Variants in SULF2 observed in about 807,000 individuals in gnomAD.
SULF2 encodes sulfatase 2.
Under a neutral mutation model 107.7 loss-of-function variants are expected in SULF2, and 52 were observed. That is an observed-to-expected ratio of 0.48 (90% CI 0.39 to 0.61). The LOEUF is 0.61. Ranked by LOEUF, SULF2 falls within the 20% of genes least tolerant of loss-of-function variation. SULF2 has a pLI of 0.00. For synonymous variants in SULF2, 460 were observed against 464.3 expected, an observed-to-expected ratio of 0.99 and a Z score of 0.12; for missense variants, 993 against 1,177.3, an observed-to-expected ratio of 0.84 and a Z score of 2.29.
At chr20:47,699,940 G>A (rs1451528018) in intron 4 of SULF2, among the ~76,000 whole-genome samples, 1 of 152,160 alleles carries the variant, frequency 6.6e-6, no homozygotes, top group Admixed American at 6.5e-5. Flanking sequence ...TTCAGTGACT[G>A]CCTGTTCTCT....
intron 2 of SULF2, among the ~76,000 whole-genome samples, chr20:47,752,810 G>A (rs897291212): frequency 6.6e-6 from 1 of 151,824 alleles, no homozygotes; most frequent in African/African-American, 2.4e-5. Context: ...CTTTTGAAAT[G>A]CAAACATCAG....
intron 3 of SULF2, among the ~76,000 whole-genome samples, chr20:47,712,138 T>C (rs1257866755): frequency 1.3e-5 from 2 of 152,230 alleles, no homozygotes; most frequent in Non-Finnish European, 2.9e-5. Flanking sequence ...CACAGCCAAC[T>C]TCCAACTGGA....
intron 4 of SULF2, among the ~76,000 whole-genome samples, chr20:47,693,396 T>C (rs1284295970): frequency 6.6e-6 from 1 of 152,168 alleles, no homozygotes; most frequent in African/African-American, 2.4e-5. Context: ...TTGCTCTTCA[T>C]AACAGACTCA....
chr20:47,666,636 C>T lies in SULF2; in HGVS notation c.1577-148G>A, dbSNP rs865943831. The T allele has an allele frequency of 4.5e-6, 3 of 661,242 alleles. No homozygotes were observed. Among genetic ancestry groups the T allele is most frequent in the Middle Eastern group, 4.2e-4 (1 of 2,362 alleles). The allele number at this position is 661,242 out of a possible 1,614,324, so 41.0% of individuals were successfully genotyped here. On this transcript the variant is annotated intron_variant, in intron 11 of 20. Coordinates refer to ENST00000688720, the MANE Select transcript of SULF2 (RefSeq NM_001387048.1). The surrounding 1 kb of genome is among the most constrained non-coding windows in gnomAD (Gnocchi z 5.4). ...GACTCGAGGGGTCGTGGAATCTACC[C>T]GCCTGCTCGCAGATCCTGGACCGCA...
At chr20:47,751,727 T>A (rs777004007) in intron 2 of SULF2, among the ~76,000 whole-genome samples, 5 of 152,182 alleles carry the variant, frequency 3.3e-5, no homozygotes, top group Non-Finnish European at 5.9e-5. Context: ...CCTTTTTGAT[T>A]CCTCAATCCT....
chr20:47,763,992 C>G (rs1008249382), intron 1 of SULF2, among the ~76,000 whole-genome samples: 7 of 152,230 alleles, frequency 4.6e-5, no homozygotes, highest in Non-Finnish European at 1.0e-4. Context: ...GCCTTCCCCT[C>G]TCTCCCTTGC....
Position 47,678,529 on chromosome 20 carries a change from A to ACCATGCTTCTCTCCCACG in SULF2, c.1193+146_1193+147insCGTGGGAGAGAAGCATGG. 1.3e-6 allele frequency: 1 copy of ACCATGCTTCTCTCCCACG among 748,544 alleles called. No homozygotes were observed. The highest frequency in any genetic ancestry group is 2.1e-6 in the Non-Finnish European group (1 of 487,322). The allele number at this position is 748,544 out of a possible 1,614,324, so 46.4% of individuals were successfully genotyped here. A position where few individuals can be genotyped will look rare whatever the true frequency, so the allele number is the denominator to read the frequency against. ...AGAGGGGACCATGCTTCTCTCCCAC[A>ACCATGCTTCTCTCCCACG]GCAGGTAAGTGGTTGGCATGGCGGG... On this transcript the variant is annotated intron_variant, in intron 8 of 20. Transcript: ENST00000688720. This position sits in a 1 kb window ranked among gnomAD's most constrained non-coding sequence, Gnocchi z 4.5.
chr20:47,665,527 G>A (rs1285863956), intron 13 of SULF2, among the ~76,000 whole-genome samples: 2 of 152,218 alleles, frequency 1.3e-5, no homozygotes, highest in African/African-American at 2.4e-5. Flanking sequence ...TCATTTTTCC[G>A]GCCTGGCCTG....
chr20:47,664,137 G>A lies in SULF2; in HGVS notation c.2050C>T (p.Pro684Ser), dbSNP rs1431573822. The A allele has an allele frequency of 6.2e-7, 1 of 1,613,636 alleles. No individual in the cohort carries two copies. Among genetic ancestry groups the A allele is most frequent in the East Asian group, 2.2e-5 (1 of 44,892 alleles). ...RLKHRGSSLH[P>S]FRKGLQEKDK... is the part of the protein sequence containing the mutation. Reference sequence around the variant, plus strand: ...ACCTCAAGCTGCTCTTACCTGAAAGGATGCAGACTGGAGCCTCTGTGCTTG... The same window carrying A: ...ACCTCAAGCTGCTCTTACCTGAAAGAATGCAGACTGGAGCCTCTGTGCTTG... Residue 684 changes from proline (P) to serine (S), a missense_variant, in exon 15 of 21, where the codon CCT becomes TCT. By Grantham distance (74) the Pro-to-Ser change is moderately conservative (BLOSUM62 -1). Around this residue, in one of 3 missense-constraint regions of SULF2, gnomAD observed 497 missense variants for 544.1 expected, o/e 0.91. Coordinates refer to ENST00000688720, the MANE Select transcript of SULF2 (RefSeq NM_001387048.1).
intron 2 of SULF2, among the ~76,000 whole-genome samples, chr20:47,741,150 C>G (rs6094800): frequency 0.27 from 40,860 of 152,050 alleles, 8,117 homozygotes; most frequent in African/African-American, 0.56. Context: ...AGAGTCTCCT[C>G]TCCTGACACT....
intron 3 of SULF2, among the ~76,000 whole-genome samples, chr20:47,719,296 T>C (rs573923021): frequency 1.3e-5 from 2 of 152,364 alleles, no homozygotes; most frequent in African/African-American, 4.8e-5. Context: ...GCTTCCTTTG[T>C]AATTCTCTGT....
intron 4 of SULF2, among the ~76,000 whole-genome samples, chr20:47,691,599 C>T (rs775911737): frequency 2.4e-4 from 37 of 152,098 alleles, no homozygotes; most frequent in Non-Finnish European, 4.6e-4. Flanking sequence ...GCAGAGATAA[C>T]GGGGTCTGAG....
At chr20:47,781,126 C>T (rs1167271311) in intron 1 of SULF2, among the ~76,000 whole-genome samples, 1 of 152,270 alleles carries the variant, frequency 6.6e-6, no homozygotes, top group Non-Finnish European at 1.5e-5. Context: ...GGATCAAGGC[C>T]AGGCCCCATC....
intron 4 of SULF2, among the ~76,000 whole-genome samples, 200 bp downstream of exon 4, chr20:47,702,319 C>T (rs1437820491): frequency 6.6e-6 from 1 of 152,184 alleles, no homozygotes; most frequent in Non-Finnish European, 1.5e-5. Context: ...CTTAGCCTCC[C>T]AAAGTGCTGG....
rs2086952616 is a variant in SULF2 at position 47,658,136 on chromosome 20, G to A, written c.*226C>T. The A allele has an allele frequency of 1.2e-5, 7 of 589,444 alleles. 2 individuals carry two copies. The highest frequency in any genetic ancestry group is 4.6e-4 in the Middle Eastern group (1 of 2,196). 36.5% of individuals were successfully genotyped at this position (589,444 alleles called of 1,614,324 possible). A position where few individuals can be genotyped will look rare whatever the true frequency, so the allele number is the denominator to read the frequency against. Reference sequence around the variant, plus strand: ...AAAATGCATTTTGTGCAGCTGGTGAGGTATAATCCAAAGCAAAAGCAGGGG... The same window carrying A: ...AAAATGCATTTTGTGCAGCTGGTGAAGTATAATCCAAAGCAAAAGCAGGGG... On this transcript the variant is annotated 3_prime_UTR_variant, in exon 21 of 21. Transcript: ENST00000688720.
chr20:47,722,651 G>A (rs755931191), intron 3 of SULF2, among the ~76,000 whole-genome samples: 22 of 152,152 alleles, frequency 1.4e-4, no homozygotes, highest in African/African-American at 5.3e-4. Context: ...AAGTTCACTC[G>A]CCAGGTGCAG....
At chr20:47,782,935 G>A (rs2090858184) in intron 1 of SULF2, among the ~76,000 whole-genome samples, 1 of 152,284 alleles carries the variant, frequency 6.6e-6, no homozygotes, top group Non-Finnish European at 1.5e-5. Context: ...CTGGGACAAA[G>A]GCCAAGGTCA....
At chr20:47,682,393 A>G (rs1040449001) in intron 7 of SULF2, among the ~76,000 whole-genome samples, 8 of 152,336 alleles carry the variant, frequency 5.3e-5, no homozygotes, top group African/African-American at 1.9e-4. Flanking sequence ...ATAATATCCC[A>G]GCCGATCCAA....
intron 1 of SULF2, among the ~76,000 whole-genome samples, chr20:47,771,220 A>C (rs555754012): frequency 6.6e-6 from 1 of 152,066 alleles, no homozygotes; most frequent in East Asian, 1.9e-4. Flanking sequence ...TGAGCCTCGG[A>C]AAGTCCTGGG....
Sources: allele counts gnomAD v4.1 joint callset (sites outside exome capture counted in the v4.1 genomes callset), GRCh38; gene constraint gnomAD v4.1.1; regional missense constraint gnomAD v4.1.1; non-coding constraint Gnocchi (gnomAD v3.1); transcripts MANE v1.5; gene names NCBI Gene and HGNC (gene_info 2026-07-23, HGNC 2026-07-21).